Variants in C12orf42 observed in about 807,000 individuals in gnomAD.
C12orf42 encodes the protein chromosome 12 open reading frame 42, also known as uncharacterized protein C12orf42.
A neutral mutation model predicts 21.6 loss-of-function variants in C12orf42; 25 were observed. The ratio of observed to expected loss-of-function variants is 1.16; its 90% confidence interval spans 0.84 to 1.62. The LOEUF (loss-of-function observed/expected upper bound fraction) is 1.62, where lower values mean the gene tolerates loss of function less well. C12orf42 is among the 40% of genes most tolerant of loss of function. The pLI is 0.00. For missense variants in C12orf42, 483 were observed against 459.3 expected (o/e 1.05, Z -0.47); for synonymous variants, 174 against 175.0 (o/e 0.99, Z 0.05).
intron 3 of C12orf42, among the ~76,000 whole-genome samples, chr12:103,395,337 T>C (rs955350322): frequency 2.1e-4 from 19 of 90,612 alleles, no homozygotes; most frequent in African/African-American, 1.1e-3. Flanking sequence ...CCCATTATTC[T>C]TTTTTTTTTT....
the C12orf42 span, among the ~76,000 whole-genome samples, chr12:103,147,503 CTTTTTTTTT>C: frequency 1.0e-5 from 1 of 99,970 alleles, no homozygotes; most frequent in African/African-American, 4.0e-5. Context: ...CTTTTTTTTT[CTTTTTTTTT>C]TTTTTTTTGG....
chr12:103,218,946 A>G, the C12orf42 span, among the ~76,000 whole-genome samples: 1 of 152,222 alleles, frequency 6.6e-6, no homozygotes, highest in Non-Finnish European at 1.5e-5. Context: ...TCAGGTGTCT[A>G]CACCACCAGG....
At chr12:103,544,798 A>AT in the C12orf42 span, among the ~76,000 whole-genome samples, 19 of 151,146 alleles carry the variant, frequency 1.3e-4, no homozygotes, top group South Asian at 1.0e-3. Flanking sequence ...CCATCTATTG[A>AT]TTTTTTTTCC....
At chr12:103,338,982 A>G (rs1204262605) in intron 4 of C12orf42, among the ~76,000 whole-genome samples, 1 of 152,236 alleles carries the variant, frequency 6.6e-6, no homozygotes, top group Non-Finnish European at 1.5e-5. Context: ...GTACATTTTT[A>G]TAAAAAAGCA....
At chr12:103,364,148 C>T (rs930733784) in intron 4 of C12orf42, among the ~76,000 whole-genome samples, 2 of 152,102 alleles carry the variant, frequency 1.3e-5, no homozygotes, top group Non-Finnish European at 2.9e-5. Context: ...CAAGTACTCT[C>T]TCAGACCACA....
chr12:103,306,462 T>A, intron 4 of C12orf42, 117 bp from the exon 5 acceptor site: 1 of 1,237,846 alleles, frequency 8.1e-7, no homozygotes, highest in Non-Finnish European at 1.1e-6. Flanking sequence ...GTTTCTACTG[T>A]GAGTAAACAA....
At chr12:103,189,416 G>A in the C12orf42 span, among the ~76,000 whole-genome samples, 7 of 152,172 alleles carry the variant, frequency 4.6e-5, no homozygotes, top group Non-Finnish European at 1.0e-4. Context: ...GGAAATGTGA[G>A]CTGATTTAAC....
intron 10 of C12orf42, among the ~76,000 whole-genome samples, chr12:103,254,352 C>T (rs1204773773): frequency 3.3e-5 from 5 of 152,106 alleles, no homozygotes; most frequent in African/African-American, 1.2e-4. Context: ...AATCAATGTT[C>T]ATCAGGGATA....
chr12:103,411,030 A>AC (rs57050737), intron 2 of C12orf42, among the ~76,000 whole-genome samples: 28,223 of 151,990 alleles, frequency 0.19, 3,079 homozygotes, highest in East Asian at 0.35. Context: ...CTCCAAATAT[A>AC]CCCCAATAAC....
chr12:103,162,331 T>C, the C12orf42 span, among the ~76,000 whole-genome samples: 93,323 of 152,022 alleles, frequency 0.61, 30,564 homozygotes, highest in East Asian at 0.85. Context: ...CCCACTGGGG[T>C]AGACTGCTGC....
the C12orf42 span, among the ~76,000 whole-genome samples, chr12:103,201,047 G>C: frequency 6.6e-6 from 1 of 152,174 alleles, no homozygotes; most frequent in East Asian, 1.9e-4. Context: ...GTAGTCAGTT[G>C]GCGAGAGGTC....
chr12:103,499,355 T>C (rs895784836), upstream of C12orf42, among the ~76,000 whole-genome samples: 2 of 152,250 alleles, frequency 1.3e-5, no homozygotes, highest in Admixed American at 1.3e-4. Context: ...ATCATTACAT[T>C]GTACACGTTA....
intron 4 of C12orf42, among the ~76,000 whole-genome samples, chr12:103,334,108 T>G (rs1186818021): frequency 6.6e-6 from 1 of 152,224 alleles, no homozygotes; most frequent in South Asian, 2.1e-4. Flanking sequence ...TTGTTTCTTT[T>G]GGGACAATGT....
the C12orf42 span, among the ~76,000 whole-genome samples, chr12:103,159,139 TA>T: frequency 6.6e-6 from 1 of 152,194 alleles, no homozygotes; most frequent in South Asian, 2.1e-4. Context: ...TGCCAGAAGA[TA>T]GGCAAGTAAA....
chr12:103,071,836 C>T, the C12orf42 span, among the ~76,000 whole-genome samples: 1 of 152,106 alleles, frequency 6.6e-6, no homozygotes, highest in Non-Finnish European at 1.5e-5. Context: ...CTAATACAGA[C>T]ATCAACCTGT....
At chr12:103,052,180 T>C in the C12orf42 span, among the ~76,000 whole-genome samples, 3 of 152,172 alleles carry the variant, frequency 2.0e-5, no homozygotes, top group Non-Finnish European at 4.4e-5. Context: ...TCTGTATATA[T>C]GTATACATTT....
chr12:103,368,443 A>G (rs1203424257), intron 4 of C12orf42, among the ~76,000 whole-genome samples: 1 of 151,916 alleles, frequency 6.6e-6, no homozygotes, highest in Non-Finnish European at 1.5e-5. Flanking sequence ...TCTCCCAGCT[A>G]CCTAGATTCC....
the C12orf42 span, among the ~76,000 whole-genome samples, chr12:103,060,378 A>G: frequency 6.6e-6 from 1 of 152,214 alleles, no homozygotes; most frequent in Non-Finnish European, 1.5e-5. Context: ...AAGAATCAAT[A>G]TCGTGAAAAT....
chr12:103,541,380 A>G, the C12orf42 span, among the ~76,000 whole-genome samples: 3 of 152,244 alleles, frequency 2.0e-5, no homozygotes, highest in African/African-American at 7.2e-5. Context: ...GGTAGGATGC[A>G]TATATGAAAG....
Sources: allele counts gnomAD v4.1 joint callset (sites outside exome capture counted in the v4.1 genomes callset), GRCh38; gene constraint gnomAD v4.1.1; transcripts MANE v1.5; gene names NCBI Gene and HGNC (gene_info 2026-07-23, HGNC 2026-07-21).